The following RANBP9 variants were observed in gnomAD, a reference collection of about 807,000 sequenced individuals.
The protein encoded by RANBP9 is ran-binding protein 9.
Under a neutral mutation model 84.3 loss-of-function variants are expected in RANBP9, and 15 were observed. The ratio of observed to expected loss-of-function variants is 0.18; its 90% CI spans 0.12 to 0.27. The LOEUF (loss-of-function observed/expected upper bound fraction) is 0.27. Among genes scored for constraint, RANBP9 ranks in the 10% least tolerant of loss-of-function variants. The pLI, the probability that RANBP9 is intolerant of heterozygous loss-of-function variation, is 1.00. For synonymous variants in RANBP9, 392 were observed against 349.6 expected (o/e 1.12, Z -1.35); for missense variants, 809 against 912.8 (o/e 0.89, Z 1.46).
chr6:13,665,912 A>T (rs1765632673), intron 2 of RANBP9, among the ~76,000 whole-genome samples: 1 of 152,182 alleles, frequency 6.6e-6, no homozygotes, highest in Non-Finnish European at 1.5e-5. Flanking sequence ...GCAACAAGAA[A>T]AATCAATCTA....
intron 9 of RANBP9, 128 bp downstream of exon 9, chr6:13,639,434 TC>T: frequency 9.8e-7 from 1 of 1,021,456 alleles, no homozygotes; most frequent in Non-Finnish European, 1.4e-6. Context: ...CACCCTGGCC[TC>T]CCAAAGTGCT....
At chr6:13,645,510 A>C (rs548952424) in intron 5 of RANBP9, among the ~76,000 whole-genome samples, 2 of 152,210 alleles carry the variant, frequency 1.3e-5, no homozygotes, top group Non-Finnish European at 2.9e-5. Flanking sequence ...TTACATCTAA[A>C]GGCAGAATGA....
chr6:13,687,377 C>CT (rs1766214687), intron 2 of RANBP9, among the ~76,000 whole-genome samples: 1 of 152,020 alleles, frequency 6.6e-6, no homozygotes, highest in South Asian at 2.1e-4. Context: ...AATCCCAGTA[C>CT]TTTGGGAGGC....
chr6:13,711,661 T>C lies in RANBP9; in HGVS notation c.-156A>G, dbSNP rs1584955841. 1.8e-6 allele frequency: 1 copy of C among 566,028 alleles called. No homozygotes were observed. The highest frequency in any genetic ancestry group is 4.7e-5 in the East Asian group (1 of 21,396). 35.1% of individuals were successfully genotyped at this position (566,028 alleles called of 1,614,324 possible). On this transcript the variant is annotated 5_prime_UTR_variant, in exon 1 of 14. Transcript: ENST00000011619. The stretch of plus-strand genomic sequence containing the variant: ...CGCGCGCCCAGGGAGACCGCGGCGG[T>C]TGAGGAGCTCGGAGACGCGGGAGTA...
intron 2 of RANBP9, among the ~76,000 whole-genome samples, chr6:13,670,824 A>C (rs941627972): frequency 2.7e-5 from 4 of 150,680 alleles, no homozygotes; most frequent in Non-Finnish European, 5.9e-5. Flanking sequence ...AAAAAAAAGT[A>C]GACAAACTAG....
chr6:13,685,761 C>T (rs1453270184), intron 2 of RANBP9, among the ~76,000 whole-genome samples: 1 of 151,946 alleles, frequency 6.6e-6, no homozygotes, highest in African/African-American at 2.4e-5. Context: ...AACCCTGTCT[C>T]TACTGAAAAT....
intron 1 of RANBP9, among the ~76,000 whole-genome samples, chr6:13,707,724 A>G (rs1193861505): frequency 6.6e-6 from 1 of 152,360 alleles, no homozygotes; most frequent in East Asian, 1.9e-4. Context: ...GTATATATAA[A>G]GCACTCTATA....
At chr6:13,658,143 A>C (rs942115446) in intron 3 of RANBP9, among the ~76,000 whole-genome samples, 1 of 152,158 alleles carries the variant, frequency 6.6e-6, no homozygotes, top group African/African-American at 2.4e-5. Flanking sequence ...GAATATTAAG[A>C]TGGGTTAAAA....
intron 1 of RANBP9, among the ~76,000 whole-genome samples, chr6:13,707,047 A>T (rs1162226265): frequency 2.7e-5 from 4 of 145,912 alleles, no homozygotes; most frequent in South Asian, 4.3e-4. Flanking sequence ...TTATTTACTT[A>T]TTTTTTTTTT....
At chr6:13,699,861 A>G (rs1022943366) in intron 1 of RANBP9, among the ~76,000 whole-genome samples, 2 of 152,336 alleles carry the variant, frequency 1.3e-5, no homozygotes, top group East Asian at 3.9e-4. Flanking sequence ...CTCTGTCCCA[A>G]AAATAAAAAA....
chr6:13,680,748 T>C (rs1422123426), intron 2 of RANBP9, among the ~76,000 whole-genome samples: 1 of 147,608 alleles, frequency 6.8e-6, no homozygotes, highest in Admixed American at 6.8e-5. Context: ...TAAGTGAGAG[T>C]CTGTCTCGGA....
At chr6:13,634,080 C>G (rs143227018) in intron 11 of RANBP9, among the ~76,000 whole-genome samples, 1 of 152,102 alleles carries the variant, frequency 6.6e-6, no homozygotes, top group Non-Finnish European at 1.5e-5. Context: ...AATCATCTAA[C>G]CATTTGGCCT....
chr6:13,697,775 T>C (rs960845535), intron 1 of RANBP9, among the ~76,000 whole-genome samples: 5 of 152,200 alleles, frequency 3.3e-5, no homozygotes, highest in Admixed American at 6.5e-5. Flanking sequence ...AAAGTACTCA[T>C]AGAGTATGAG....
intron 2 of RANBP9, among the ~76,000 whole-genome samples, chr6:13,694,778 A>C (rs1766403877): frequency 6.6e-6 from 1 of 152,170 alleles, no homozygotes; most frequent in Non-Finnish European, 1.5e-5. Context: ...TAGCATATCA[A>C]CGCTGTATTT....
chr6:13,674,272 A>C (rs1368334899), intron 2 of RANBP9, among the ~76,000 whole-genome samples: 1 of 152,152 alleles, frequency 6.6e-6, no homozygotes, highest in Non-Finnish European at 1.5e-5. Context: ...GTCTACAAGA[A>C]ACTCACTCTA....
chr6:13,631,116 C>G (rs1201552635), intron 12 of RANBP9, among the ~76,000 whole-genome samples: 1 of 152,106 alleles, frequency 6.6e-6, no homozygotes, highest in Non-Finnish European at 1.5e-5. Context: ...CCTGATTTGA[C>G]TTTTTAAATT....
intron 2 of RANBP9, among the ~76,000 whole-genome samples, chr6:13,691,647 GTTTT>G (rs373221884): frequency 6.7e-6 from 1 of 148,332 alleles, no homozygotes; most frequent in Non-Finnish European, 1.5e-5. Flanking sequence ...AAAACTCAGT[GTTTT>G]TTTTTTGTTT....
intron 4 of RANBP9, among the ~76,000 whole-genome samples, chr6:13,655,419 A>G (rs574979310): frequency 6.2e-4 from 95 of 152,356 alleles, no homozygotes; most frequent in African/African-American, 2.2e-3. Flanking sequence ...CTGAGCCGAG[A>G]TCACATCACT....
chr6:13,711,167 G>C lies in RANBP9; in HGVS notation c.339C>G (p.Gly113=). The stretch of plus-strand genomic sequence containing the variant: ...CTGGGGTCGGGGCTCCTCCAGCCGG[G>C]CCGGGGCCCGCTGCAAGGCCCGGGG... ...PAPPGLAAGP[G]PAGGAPTPAL... is the part of the protein sequence containing the mutation. The change falls in exon 1 of 14, where the codon GGC becomes GGG. Residue 113 remains glycine, a synonymous_variant. Transcript: ENST00000011619. The C allele has an allele frequency of 7.0e-7, 1 of 1,437,528 alleles. No individual in the cohort carries two copies. The highest frequency in any genetic ancestry group is 9.1e-7 in the Non-Finnish European group (1 of 1,099,146). 89.0% of individuals were successfully genotyped at this position (1,437,528 alleles called of 1,614,324 possible). A position where few individuals can be genotyped will look rare whatever the true frequency, so the allele number is the denominator to read the frequency against.
Sources: gnomAD v4.1 joint callset for allele counts (sites outside exome capture counted in the v4.1 genomes callset) on GRCh38, gnomAD v4.1.1 for gene constraint, MANE v1.5 for transcripts, NCBI Gene and HGNC (gene_info 2026-07-23, HGNC 2026-07-21) for gene names.